ZNF862: variants seen among roughly 807,000 people sequenced by gnomAD.
ZNF862 encodes the protein zinc finger protein 862.
A neutral mutation model predicts 91.1 loss-of-function variants in ZNF862; 64 were observed. The ratio of observed to expected loss-of-function variants is 0.70; its 90% CI spans 0.57 to 0.87. The LOEUF is 0.87. ZNF862 is among the 40% of genes least tolerant of loss of function. The pLI, the probability that ZNF862 is intolerant of heterozygous loss-of-function variation, is 0.00. For synonymous variants in ZNF862, 631 were observed against 618.1 expected (o/e 1.02, Z -0.31); for missense variants, 1,459 against 1,528.0 (o/e 0.95, Z 0.75).
At position 149,861,491 on chromosome 7, in the gene ZNF862, G is replaced by A. The variant is rs1802496109; in HGVS notation, c.2331G>A (p.Glu777=). The A allele has an allele frequency of 1.2e-6, 2 of 1,612,480 alleles. No homozygotes were observed. Among genetic ancestry groups the A allele is most frequent in the Non-Finnish European group, 1.7e-6 (2 of 1,179,540 alleles). The change falls in exon 7 of 8, where the codon GAG becomes GAA. Residue 777 remains glutamate, a synonymous_variant. Transcript: ENST00000223210. The surrounding 1 kb of genome is among the most constrained non-coding windows in gnomAD (Gnocchi z 6.7). Reference sequence around the variant, plus strand: ...AAGGTGCGGCGCCTCTGGAGCAGGAGATCATCCGCCTGAAGGATCTGAATG... The same window carrying A: ...AAGGTGCGGCGCCTCTGGAGCAGGAAATCATCCGCCTGAAGGATCTGAATG... ...LQEGAAPLEQ[E]IIRLKDLNAV...
chr7:149,846,278 G>A, intron 3 of ZNF862, 23 bp downstream of exon 3: 1 of 1,577,566 alleles, frequency 6.3e-7, no homozygotes, highest in Non-Finnish European at 8.7e-7. Flanking sequence ...CTGCACTCAG[G>A]GGCAGATGCT....
rs747142230 is a variant in ZNF862, at chr7:149,844,657, C to G, written c.57C>G (p.Tyr19Ter). The change falls in exon 2 of 8, where the codon TAC becomes TAG. Residue 19 changes from tyrosine (Y) to a stop codon, truncating the protein, a stop_gained. Coordinates refer to ENST00000223210, the MANE Select transcript of ZNF862 (RefSeq NM_001099220.3). LOFTEE classifies it high-confidence loss of function. The part of the protein sequence containing the change: ...APVTFDDITV[Y>*]LLQEEWVLLS... ...TGACGTTTGATGACATCACTGTGTA[C>G]TTACTCCAGGAGGAATGGGTGCTGC... is the stretch of plus-strand genomic sequence containing the variant. The G allele has an allele frequency of 3.1e-6, 5 of 1,605,654 alleles. No individual in the cohort carries two copies. Among genetic ancestry groups the G allele is most frequent in the Non-Finnish European group, 4.3e-6 (5 of 1,175,976 alleles).
chr7:149,858,342 C>T (rs192986030), intron 5 of ZNF862: 1 of 152,188 alleles, frequency 6.6e-6, no homozygotes, highest in African/African-American at 2.4e-5. Flanking sequence ...TATTCCTTTG[C>T]CCTCATTTTA....
rs777770720 is a variant in ZNF862 at position 149,850,500 on chromosome 7, A to G, written c.1117+162A>G. 1.0e-5 allele frequency: 7 copies of G among 694,532 alleles called. No homozygotes were observed. The highest frequency in any genetic ancestry group is 1.6e-5 in the Non-Finnish European group (7 of 428,472). The allele number at this position is 694,532 out of a possible 1,614,324, so 43.0% of individuals were successfully genotyped here. A position where few individuals can be genotyped will look rare whatever the true frequency, so the allele number is the denominator to read the frequency against. On this transcript the variant is annotated intron_variant, in intron 5 of 7. Coordinates refer to ENST00000223210, the MANE Select transcript of ZNF862 (RefSeq NM_001099220.3). The surrounding 1 kb of genome is among the most constrained non-coding windows in gnomAD (Gnocchi z 4.2). ...CCTCATAACTCCCCTGCTTGGGGTA[A>G]CTGTGCTTTATCACCTTCTCATCCA...
Position 149,862,166 on chromosome 7 carries a change from C to T in ZNF862, c.3006C>T (p.His1002=), listed in dbSNP as rs571665668. Residue 1002 remains histidine (H), a synonymous_variant, in exon 7 of 8, where the codon CAC becomes CAT. Coordinates refer to ENST00000223210, the MANE Select transcript of ZNF862 (RefSeq NM_001099220.3). ...TGGGCCTGAAAACCATTGCCCAGCA[C>T]CTCCCGTTCTCCATGCTCTGCAAAA... ...EWLGLKTIAQ[H]LPFSMLCKNA... is the part of the protein sequence containing the mutation. The T allele has an allele frequency of 1.6e-5, 26 of 1,613,378 alleles. 1 individual carries two copies. In the East Asian group the frequency reaches 4.2e-4, roughly 26 times the overall value.
chr7:149,852,341 G>GTA (rs1802092144), intron 5 of ZNF862, among the ~76,000 whole-genome samples: 2 of 129,308 alleles, frequency 1.5e-5, no homozygotes, highest in Non-Finnish European at 3.5e-5. Flanking sequence ...TCAGTTTTGT[G>GTA]TGTGTGTGTG....
chr7:149,861,772 C>T lies in ZNF862; in HGVS notation c.2612C>T (p.Thr871Met), dbSNP rs751778823. 2.0e-5 allele frequency: 33 copies of T among 1,613,476 alleles called. No homozygotes were observed. The highest frequency in any genetic ancestry group is 1.6e-4 in the East Asian group (7 of 44,886). ...EIVLITEVNATLGRAYVALES... is the reference protein window; with the variant it reads ...EIVLITEVNAMLGRAYVALES... ...GTGCTGATTACAGAGGTGAACGCCA[C>T]GCTGGGCCGCGCCTACGTGGCACTG... Residue 871 changes from threonine (T) to methionine (M), a missense_variant, in exon 7 of 8, where the codon ACG becomes ATG. Thr to Met is a moderately conservative substitution (Grantham distance 81). Transcript: ENST00000223210. The surrounding 1 kb of genome is among the most constrained non-coding windows in gnomAD (Gnocchi z 6.7).
intron 1 of ZNF862, among the ~76,000 whole-genome samples, chr7:149,839,148 C>CT (rs1053598653): frequency 7.9e-5 from 12 of 152,146 alleles, no homozygotes; most frequent in African/African-American, 2.9e-4. Context: ...GCTTAGAAAC[C>CT]TGTGTCATAA....
At position 149,864,301 on chromosome 7, in the gene ZNF862, G is replaced by A; in HGVS notation, c.*17G>A. 1.3e-6 allele frequency: 2 copies of A among 1,585,860 alleles called. No individual in the cohort carries two copies. The highest frequency in any genetic ancestry group is 1.7e-6 in the Non-Finnish European group (2 of 1,167,212). ...ATGTCCTGAGGGACAGGGAGTCCTT[G>A]GGACTGCCTTGGAGACGCCTCTGTG... On this transcript the variant is annotated 3_prime_UTR_variant, in exon 8 of 8. Coordinates refer to ENST00000223210, the MANE Select transcript of ZNF862 (RefSeq NM_001099220.3).
At position 149,864,484 on chromosome 7, in the gene ZNF862, T is replaced by C; in HGVS notation, c.*200T>C. The C allele has an allele frequency of 1.7e-6, 1 of 577,600 alleles. No homozygotes were observed. The highest frequency in any genetic ancestry group is 3.1e-6 in the Non-Finnish European group (1 of 326,442). The allele number at this position is 577,600 out of a possible 1,614,324, so 35.8% of individuals were successfully genotyped here. On this transcript the variant is annotated 3_prime_UTR_variant, in exon 8 of 8. Transcript: ENST00000223210. ...CCTGAGGCCCCACTCAGCACAGCCA[T>C]GCCTCACAGCACACAAATGTGCCAG... is the stretch of plus-strand genomic sequence containing the variant.
At position 149,855,529 on chromosome 7, in the gene ZNF862, C is replaced by T. The variant is rs2128939615; in HGVS notation, c.1118-3893C>T. Among the ~76,000 whole-genome samples, 1 of 152,308 alleles carries T rather than the reference C, an allele frequency of 6.6e-6. No homozygotes were observed. The highest frequency in any genetic ancestry group is 3.4e-3 in the Middle Eastern group (1 of 294). On this transcript the variant is annotated intron_variant, in intron 5 of 7. Transcript: ENST00000223210. The surrounding 1 kb of genome is among the most constrained non-coding windows in gnomAD (Gnocchi z 4.1). ...GAGGTATAAGAAAGGTTTCATTTGACATGTAATCTGACACCAGCTACTTAG... is the reference window on the plus strand; with the variant it reads ...GAGGTATAAGAAAGGTTTCATTTGATATGTAATCTGACACCAGCTACTTAG...
intron 1 of ZNF862, among the ~76,000 whole-genome samples, chr7:149,839,634 G>T (rs1801632156): frequency 1.3e-5 from 2 of 152,176 alleles, no homozygotes; most frequent in African/African-American, 4.8e-5. Flanking sequence ...TGATGCTGTA[G>T]TTTTTCCTGG....
At chr7:149,847,434 T>TG (rs1256802178) in intron 3 of ZNF862, among the ~76,000 whole-genome samples, 1 of 152,154 alleles carries the variant, frequency 6.6e-6, no homozygotes, top group Non-Finnish European at 1.5e-5. Context: ...GTTTCATAGA[T>TG]CAGATTGCAA....
Position 149,867,204 on chromosome 7 carries a change from C to T in ZNF862, c.*2920C>T, listed in dbSNP as rs1802763392. The T allele has an allele frequency of 6.6e-6, 1 of 152,210 alleles. No homozygotes were observed. The highest frequency in any genetic ancestry group is 2.4e-5 in the African/African-American group (1 of 41,438). The allele number at this position is 152,210 out of a possible 1,614,324, so 9.4% of individuals were successfully genotyped here. On this transcript the variant is annotated 3_prime_UTR_variant, in exon 8 of 8. Coordinates refer to ENST00000223210, the MANE Select transcript of ZNF862 (RefSeq NM_001099220.3). ...TCCAGGTGGGAGTGAGGGAGCCCAG[C>T]CCCCTGTCCTGGAAGATACCTTAGA...
At chr7:149,840,534 C>T (rs1299818770) in intron 1 of ZNF862, among the ~76,000 whole-genome samples, 1 of 152,076 alleles carries the variant, frequency 6.6e-6, no homozygotes, top group Non-Finnish European at 1.5e-5. Context: ...TAGGCCTTCA[C>T]ATTCTCTCAC....
chr7:149,855,886 T>C lies in ZNF862; in HGVS notation c.1118-3536T>C, dbSNP rs1431520905. 1.3e-5 allele frequency: 2 copies of C among 152,314 alleles called. No homozygotes were observed. The highest frequency in any genetic ancestry group is 2.9e-5 in the Non-Finnish European group (2 of 68,122). 9.4% of individuals were successfully genotyped at this position (152,314 alleles called of 1,614,324 possible). On this transcript the variant is annotated intron_variant, in intron 5 of 7. Transcript: ENST00000223210. This position sits in a 1 kb window ranked among gnomAD's most constrained non-coding sequence, Gnocchi z 4.1. Reference sequence around the variant, plus strand: ...ACCTCCAAGGCACCCCATGGCTACCTTAGTCTTATCCAAGGCTGGACTCGT... The same window carrying C: ...ACCTCCAAGGCACCCCATGGCTACCCTAGTCTTATCCAAGGCTGGACTCGT...
rs1290495372 is a variant in ZNF862, at chr7:149,847,626, TGTGTGTGC to T, written c.242-108_242-101del. The T allele has an allele frequency of 6.3e-6, 4 of 635,658 alleles. No homozygotes were observed. In the African/African-American group the frequency reaches 6.5e-5, roughly 10 times the overall value. 39.4% of individuals were successfully genotyped at this position (635,658 alleles called of 1,614,324 possible). On this transcript the variant is annotated intron_variant, in intron 3 of 7. Transcript: ENST00000223210. ...GTGTGTGTGTGTGTGTGTGTGTGTG[TGTGTGTGC>T]TTTCCGTCTTTCATATTTGGTGTAC...
rs1801594680 is a variant in ZNF862, at chr7:149,838,501, C to G, written c.-111C>G. 1 of 711,896 alleles carries G rather than the reference C, an allele frequency of 1.4e-6. No individual in the cohort carries two copies. The highest frequency in any genetic ancestry group is 2.0e-6 in the Non-Finnish European group (1 of 512,664). The allele number at this position is 711,896 out of a possible 1,614,324, so 44.1% of individuals were successfully genotyped here. ...TTCTTGGGCCGCGCTCCCTCCCTAC[C>G]TGGGTGCCCTCCCCCTCCGGGAGCC... On this transcript the variant is annotated 5_prime_UTR_variant, in exon 1 of 8. Transcript: ENST00000223210.
intron 7 of ZNF862, 87 bp downstream of exon 7, chr7:149,862,581 TCTG>T (rs1170634660): frequency 7.1e-7 from 1 of 1,401,032 alleles, no homozygotes; most frequent in Admixed American, 2.6e-5. Context: ...CTGTGGAGCT[TCTG>T]TCATGCACCC....
Sources: gnomAD v4.1 joint callset for allele counts (sites outside exome capture counted in the v4.1 genomes callset) on GRCh38, gnomAD v4.1.1 for gene constraint, Gnocchi (gnomAD v3.1) non-coding constraint, MANE v1.5 for transcripts, NCBI Gene and HGNC (gene_info 2026-07-23, HGNC 2026-07-21) for gene names.